The following RIMKLA variants were observed in gnomAD, a reference collection of about 807,000 sequenced individuals.
RIMKLA encodes the protein N-acetylaspartylglutamate synthase A.
RIMKLA carries 14 observed loss-of-function variants against 32.7 expected under a neutral mutation model. That is an observed-to-expected ratio of 0.43 (90% confidence interval 0.28 to 0.67). RIMKLA has a LOEUF of 0.67. Ranked by LOEUF, RIMKLA falls within the 30% of genes least tolerant of loss-of-function variation. The pLI, the probability that RIMKLA is intolerant of heterozygous loss-of-function variation, is 0.18. For missense variants in RIMKLA, 410 were observed against 519.0 expected (o/e 0.79, Z 2.04); for synonymous variants, 176 against 204.1 (o/e 0.86, Z 1.18).
intron 1 of RIMKLA, among the ~76,000 whole-genome samples, chr1:42,394,780 A>G (rs1643028815): frequency 6.6e-6 from 1 of 151,246 alleles, no homozygotes; most frequent in Non-Finnish European, 1.5e-5. Context: ...CTTGTTGCCC[A>G]GGCTGGAGTG....
chr1:42,385,848 T>TCTCTCTCTC lies in RIMKLA; in HGVS notation c.163+4751_163+4752insCTCTCTCTC, dbSNP rs1557749953. On this transcript the variant is annotated intron_variant, in intron 1 of 4. Coordinates refer to ENST00000431473, the MANE Select transcript of RIMKLA (RefSeq NM_173642.4). ...CCTTCCTTTCTTTCTTTCTTTCTCT[T>TCTCTCTCTC]TCTTTCTTTCTTTCTTTCTTTCTTT... 7.2e-4 allele frequency among the ~76,000 whole-genome samples: 12 copies of TCTCTCTCTC among 16,748 alleles called. 1 individual carries two copies. The highest frequency in any genetic ancestry group is 1.9e-3 in the African/African-American group (12 of 6,240). The allele number at this position is 16,748 out of a possible 152,430, so 11.0% of individuals were successfully genotyped here.
chr1:42,381,017 A>C lies in RIMKLA; in HGVS notation c.83A>C (p.Gln28Pro), dbSNP rs1272797913. Residue 28 changes from glutamine to proline, a missense_variant, in exon 1 of 5, where the codon CAG (glutamine) becomes CCG (proline). By Grantham distance (76) the Gln-to-Pro change is moderately conservative. Transcript: ENST00000431473. ...GTGCAGATCCTGCGCGCCCTCCGGCAGCGCTGCTCCGAGCAGGACGTGCGC... is the reference window on the plus strand; with the variant it reads ...GTGCAGATCCTGCGCGCCCTCCGGCCGCGCTGCTCCGAGCAGGACGTGCGC... ...PQVQILRALRQRCSEQDVRFR... is the reference protein window; with the variant it reads ...PQVQILRALRPRCSEQDVRFR... 2.1e-6 allele frequency: 3 copies of C among 1,409,494 alleles called. No individual in the cohort carries two copies. The highest frequency in any genetic ancestry group is 2.8e-6 in the Non-Finnish European group (3 of 1,081,552). The allele number at this position is 1,409,494 out of a possible 1,614,324, so 87.3% of individuals were successfully genotyped here.
In RIMKLA at chr1:42,395,871, T is replaced by C. The variant is rs1340976841; in HGVS notation, c.164-3533T>C. Reference sequence around the variant, plus strand: ...AAGCCACATGAGCAGCTGCTTCTTGTCTACTACTATTAGAAATATGATGGC... The same window carrying C: ...AAGCCACATGAGCAGCTGCTTCTTGCCTACTACTATTAGAAATATGATGGC... On this transcript the variant is annotated intron_variant, in intron 1 of 4. Coordinates refer to ENST00000431473, the MANE Select transcript of RIMKLA (RefSeq NM_173642.4). Among the ~76,000 whole-genome samples the C allele has an allele frequency of 2.6e-5, 4 of 152,150 alleles. No individual in the cohort carries two copies. In the East Asian group the frequency reaches 7.7e-4, roughly 29 times the overall value.
intron 3 of RIMKLA, among the ~76,000 whole-genome samples, chr1:42,409,121 G>C (rs1643174201): frequency 7.2e-6 from 1 of 139,736 alleles, no homozygotes; most frequent in South Asian, 2.5e-4. Flanking sequence ...AGAATTGCTT[G>C]AACCCGGGAG....
Position 42,410,169 on chromosome 1 carries a change from C to G in RIMKLA, c.667C>G (p.Gln223Glu). The change falls in exon 4 of 5, where the codon CAG becomes GAG. Residue 223 changes from glutamine (Q) to glutamate (E), a missense_variant. By Grantham distance (29) the Gln-to-Glu change is conservative. Coordinates refer to ENST00000431473, the MANE Select transcript of RIMKLA (RefSeq NM_173642.4). ...TCGCTGCTCCACTGATGGACGGATG[C>G]AGAGCAACTGCTCTCTCGGTAAGGT... ...MLRCSTDGRM[Q>E]SNCSLGGVGV... 6.2e-7 allele frequency: 1 copy of G among 1,613,998 alleles called. No homozygotes were observed. The highest frequency in any genetic ancestry group is 1.3e-5 in the African/African-American group (1 of 75,018).
chr1:42,406,619 AT>A (rs1453097388), intron 3 of RIMKLA, among the ~76,000 whole-genome samples: 1 of 152,094 alleles, frequency 6.6e-6, no homozygotes, highest in Non-Finnish European at 1.5e-5. Context: ...CACATTTTAC[AT>A]TTCCACCAGC....
At chr1:42,381,196 C>A in intron 1 of RIMKLA, 99 bp downstream of exon 1, 1 of 949,030 alleles carries the variant, frequency 1.1e-6, no homozygotes, top group Non-Finnish European at 1.4e-6. Flanking sequence ...GCAGAGTCTC[C>A]TTCGGGCCCG....
intron 1 of RIMKLA, among the ~76,000 whole-genome samples, chr1:42,385,876 T>TTC (rs1642940488): frequency 1.0e-5 from 1 of 97,844 alleles, no homozygotes; most frequent in African/African-American, 3.7e-5. Context: ...CTTTCTTTCT[T>TTC]TCTTTCTTTC....
At chr1:42,407,369 T>C (rs1643156632) in intron 3 of RIMKLA, among the ~76,000 whole-genome samples, 1 of 152,166 alleles carries the variant, frequency 6.6e-6, no homozygotes, top group South Asian at 2.1e-4. Context: ...TTTGTTTCCA[T>C]ATGCTTTTGA....
chr1:42,400,600 A>C (rs953586424), intron 2 of RIMKLA, among the ~76,000 whole-genome samples: 1 of 152,226 alleles, frequency 6.6e-6, no homozygotes, highest in African/African-American at 2.4e-5. Context: ...GATTTGAGCA[A>C]CCAGATGTGA....
chr1:42,410,724 T>C (rs142585216), intron 4 of RIMKLA, among the ~76,000 whole-genome samples: 25 of 152,344 alleles, frequency 1.6e-4, no homozygotes, highest in African/African-American at 5.8e-4. Flanking sequence ...AAGTTTGTTA[T>C]CTGTTGTACT....
intron 3 of RIMKLA, among the ~76,000 whole-genome samples, chr1:42,404,942 C>CA (rs947365504): frequency 6.6e-6 from 1 of 152,196 alleles, no homozygotes; most frequent in African/African-American, 2.4e-5. Flanking sequence ...GCCTATTAGA[C>CA]AGAGTCCATA....
intron 2 of RIMKLA, 142 bp from the exon 3 acceptor site, chr1:42,404,369 G>A: frequency 1.5e-6 from 1 of 649,102 alleles, no homozygotes; most frequent in East Asian, 2.6e-5. Flanking sequence ...TATAATGTGT[G>A]TCTGTTGAAT....
rs943819340 is a variant in RIMKLA, at chr1:42,380,822, G to A, written c.-113G>A. The A allele has an allele frequency of 5.7e-6, 3 of 530,748 alleles. No homozygotes were observed. Among genetic ancestry groups the A allele is most frequent in the Non-Finnish European group, 7.6e-6 (3 of 397,156 alleles). 32.9% of individuals were successfully genotyped at this position (530,748 alleles called of 1,614,324 possible). The stretch of plus-strand genomic sequence containing the variant: ...GACGCCTGGCGCACCCGCGGGAGCG[G>A]AGCCGTGGCGCGCTCGCCCCGGACG... On this transcript the variant is annotated 5_prime_UTR_variant, in exon 1 of 5. Transcript: ENST00000431473.
chr1:42,407,695 A>C, intron 3 of RIMKLA, among the ~76,000 whole-genome samples: 1 of 152,194 alleles, frequency 6.6e-6, no homozygotes, highest in East Asian at 1.9e-4. Context: ...TCTATATGCC[A>C]AGCCACACTG....
intron 4 of RIMKLA, among the ~76,000 whole-genome samples, chr1:42,410,803 G>T (rs1174797562): frequency 6.7e-6 from 1 of 150,262 alleles, no homozygotes; most frequent in African/African-American, 2.4e-5. Context: ...CAACCTCACT[G>T]AATGAGTTTA....
intron 1 of RIMKLA, among the ~76,000 whole-genome samples, chr1:42,397,279 T>C (rs145523799): frequency 4.1e-4 from 63 of 152,350 alleles, no homozygotes; most frequent in African/African-American, 1.5e-3. Context: ...AGCTTTTATA[T>C]TGATATTATT....
At position 42,416,759 on chromosome 1, in the gene RIMKLA, AAC is replaced by A. The variant is rs1335223516; in HGVS notation, c.*1789_*1790del. 1 of 152,242 alleles carries A rather than the reference AAC, an allele frequency of 6.6e-6. No homozygotes were observed. Among genetic ancestry groups the A allele is most frequent in the Non-Finnish European group, 1.5e-5 (1 of 68,038 alleles). The allele number at this position is 152,242 out of a possible 1,614,324, so 9.4% of individuals were successfully genotyped here. On this transcript the variant is annotated 3_prime_UTR_variant, in exon 5 of 5. Coordinates refer to ENST00000431473, the MANE Select transcript of RIMKLA (RefSeq NM_173642.4). ...AAGTTAAGCTATTGCATTTTTTCATAACACATTTAAATAGAAATTGGCTTTTA... is the reference window on the plus strand; with the variant it reads ...AAGTTAAGCTATTGCATTTTTTCATAACATTTAAATAGAAATTGGCTTTTA...
intron 3 of RIMKLA, among the ~76,000 whole-genome samples, chr1:42,406,284 C>T (rs1304488298): frequency 6.6e-6 from 1 of 152,172 alleles, no homozygotes; most frequent in Non-Finnish European, 1.5e-5. Flanking sequence ...TTAGTGTACT[C>T]ACTGTGTTTT....
Sources: gnomAD v4.1 joint callset for allele counts (sites outside exome capture counted in the v4.1 genomes callset) on GRCh38, gnomAD v4.1.1 for gene constraint, MANE v1.5 for transcripts, NCBI Gene and HGNC (gene_info 2026-07-23, HGNC 2026-07-21) for gene names.